Variants in TTC29 observed in about 807,000 individuals in gnomAD.
The protein encoded by TTC29 is tetratricopeptide repeat protein 29.
In TTC29, 49 loss-of-function variants were observed where a neutral mutation model predicts 58.1. The ratio of observed to expected loss-of-function variants is 0.84; its 90% CI spans 0.67 to 1.07. The LOEUF (loss-of-function observed/expected upper bound fraction) is 1.07, where lower values mean the gene tolerates loss of function less well. Ranked by LOEUF, TTC29 falls within the 50% of genes least tolerant of loss-of-function variation. The pLI is 0.00. For missense variants in TTC29, 582 were observed against 555.6 expected, an observed-to-expected ratio of 1.05 and a Z score of -0.48; for synonymous variants, 209 against 196.8, an observed-to-expected ratio of 1.06 and a Z score of -0.52.
At chr4:146,849,208 T>C (rs1460019994) in intron 8 of TTC29, among the ~76,000 whole-genome samples, 1 of 152,174 alleles carries the variant, frequency 6.6e-6, no homozygotes, top group East Asian at 1.9e-4. Flanking sequence ...GCATTCAATC[T>C]TCACAGAACC....
chr4:146,788,679 G>A (rs1258519314), intron 11 of TTC29, among the ~76,000 whole-genome samples: 1 of 151,740 alleles, frequency 6.6e-6, no homozygotes, highest in African/African-American at 2.4e-5. Flanking sequence ...GTGCCACAGT[G>A]GAGCATAATA....
At chr4:146,825,940 TAAAAAAA>T (rs1561163613) in intron 9 of TTC29, among the ~76,000 whole-genome samples, 1 of 150,010 alleles carries the variant, frequency 6.7e-6, no homozygotes, top group Non-Finnish European at 1.5e-5. Context: ...CTTTTTTTTT[TAAAAAAA>T]TTTCCATTTG....
chr4:146,804,569 G>C (rs971207367), intron 10 of TTC29, among the ~76,000 whole-genome samples: 2 of 152,096 alleles, frequency 1.3e-5, no homozygotes, highest in Non-Finnish European at 2.9e-5. Context: ...CCACCATTAT[G>C]GAGGCTTGAG....
At chr4:146,708,340 A>ATATATATACATG (rs1554002734) in intron 11 of TTC29, among the ~76,000 whole-genome samples, 1 of 40,450 alleles carries the variant, frequency 2.5e-5, no homozygotes, top group African/African-American at 6.4e-5. Context: ...ATATATATAT[A>ATATATATACATG]TATATATATA....
At chr4:146,823,362 T>C (rs966487713) in intron 9 of TTC29, among the ~76,000 whole-genome samples, 1 of 152,208 alleles carries the variant, frequency 6.6e-6, no homozygotes, top group Admixed American at 6.5e-5. Flanking sequence ...GAATAGGAGA[T>C]CCTTTCCCCA....
At chr4:146,784,910 TAAAC>T (rs1418025120) in intron 11 of TTC29, among the ~76,000 whole-genome samples, 1 of 152,176 alleles carries the variant, frequency 6.6e-6, no homozygotes, top group African/African-American at 2.4e-5. Context: ...CCTGCATTCT[TAAAC>T]AGACTAAAAT....
chr4:146,756,207 AG>A (rs1400385876), intron 11 of TTC29, among the ~76,000 whole-genome samples: 1 of 150,624 alleles, frequency 6.6e-6, no homozygotes, highest in African/African-American at 2.5e-5. Flanking sequence ...CGGGAGGCAG[AG>A]CTTGCAGTGA....
intron 8 of TTC29, among the ~76,000 whole-genome samples, chr4:146,857,649 T>C (rs1019860893): frequency 1.3e-5 from 2 of 152,080 alleles, no homozygotes; most frequent in Non-Finnish European, 2.9e-5. Context: ...CATGATTTCC[T>C]CTCTGGCAGC....
chr4:146,921,657 C>T (rs1734588713), intron 4 of TTC29, among the ~76,000 whole-genome samples: 1 of 150,774 alleles, frequency 6.6e-6, no homozygotes, highest in African/African-American at 2.4e-5. Flanking sequence ...AATAATATAG[C>T]TTAAAAATAC....
At chr4:146,871,570 T>A (rs1730932658) in intron 7 of TTC29, among the ~76,000 whole-genome samples, 1 of 151,948 alleles carries the variant, frequency 6.6e-6, no homozygotes, top group African/African-American at 2.4e-5. Context: ...GGTTGCAAGC[T>A]ATAAGATCAA....
intron 11 of TTC29, among the ~76,000 whole-genome samples, chr4:146,712,945 G>A (rs1007915822): frequency 6.6e-6 from 1 of 152,026 alleles, no homozygotes; most frequent in African/African-American, 2.4e-5. Flanking sequence ...GAAGAAGTGA[G>A]GGACAGAGGA....
intron 7 of TTC29, among the ~76,000 whole-genome samples, chr4:146,870,624 C>G (rs1730869165): frequency 6.6e-6 from 1 of 151,762 alleles, no homozygotes; most frequent in Non-Finnish European, 1.5e-5. Context: ...AGAAGAAACC[C>G]TTAAATTATT....
At chr4:146,815,995 A>G (rs190036622) in intron 10 of TTC29, among the ~76,000 whole-genome samples, 3 of 152,254 alleles carry the variant, frequency 2.0e-5, no homozygotes, top group Admixed American at 6.5e-5. Context: ...CATTTTCTTA[A>G]TGTTTTTGCC....
At position 146,939,910 on chromosome 4, in the gene TTC29, A is replaced by G; in HGVS notation, c.-6-9T>C. The G allele has an allele frequency of 6.3e-7, 1 of 1,593,618 alleles. No individual in the cohort carries two copies. Among genetic ancestry groups the G allele is most frequent in the Non-Finnish European group, 8.5e-7 (1 of 1,172,198 alleles). On this transcript the variant is annotated splice_polypyrimidine_tract_variant and intron_variant, in intron 2 of 12. Coordinates refer to ENST00000325106, the MANE Select transcript of TTC29 (RefSeq NM_031956.4). ...AGGGTGGTCATTTCGGACTACAAAA[A>G]GAAATAAGTAGAAATTGTATTTTAA...
chr4:146,880,159 T>G (rs886766419), intron 6 of TTC29, among the ~76,000 whole-genome samples: 2 of 152,144 alleles, frequency 1.3e-5, no homozygotes, highest in African/African-American at 2.4e-5. Context: ...AGTAGTCAAT[T>G]TATTTCAATA....
At chr4:146,741,116 T>C (rs1745110837) in intron 11 of TTC29, among the ~76,000 whole-genome samples, 1 of 152,190 alleles carries the variant, frequency 6.6e-6, no homozygotes, top group African/African-American at 2.4e-5. Context: ...TTACTTTGCC[T>C]TAGAAATAGA....
chr4:146,919,126 A>G (rs1734422136), intron 4 of TTC29, among the ~76,000 whole-genome samples: 1 of 151,188 alleles, frequency 6.6e-6, no homozygotes, highest in Admixed American at 6.6e-5. Flanking sequence ...ATTTTAAGCC[A>G]AAGATTCCAC....
intron 4 of TTC29, among the ~76,000 whole-genome samples, chr4:146,930,027 AAT>A (rs199873434): frequency 0.022 from 2,723 of 126,574 alleles, 45 homozygotes; most frequent in African/African-American, 0.081. Context: ...GCACACATAC[AAT>A]ATATATATAT....
intron 11 of TTC29, among the ~76,000 whole-genome samples, chr4:146,723,548 C>A (rs1283519789): frequency 2.6e-5 from 4 of 152,142 alleles, no homozygotes; most frequent in African/African-American, 9.7e-5. Flanking sequence ...AAGACAAAAA[C>A]TCCATTAAAA....
Sources: gnomAD v4.1 joint callset for allele counts (sites outside exome capture counted in the v4.1 genomes callset) on GRCh38, gnomAD v4.1.1 for gene constraint, MANE v1.5 for transcripts, NCBI Gene and HGNC (gene_info 2026-07-23, HGNC 2026-07-21) for gene names.